The following TNS3 variants were observed in gnomAD, a reference collection of about 807,000 sequenced individuals.
TNS3 encodes the protein tensin 3.
A neutral mutation model predicts 140.9 loss-of-function variants in TNS3; 45 were observed. The ratio of observed to expected loss-of-function variants is 0.32; its 90% confidence interval spans 0.25 to 0.41. The LOEUF (loss-of-function observed/expected upper bound fraction) is 0.41, where lower values mean the gene tolerates loss of function less well. Among genes scored for constraint, TNS3 ranks in the 10% least tolerant of loss-of-function variants. The pLI, the probability that TNS3 is intolerant of heterozygous loss-of-function variation, is 1.00. For synonymous variants in TNS3, 815 were observed against 788.4 expected (o/e 1.03, Z -0.56); for missense variants, 1,716 against 1,906.7 (o/e 0.90, Z 1.86).
At chr7:47,289,063 A>T (rs1213702662) in intron 27 of TNS3, among the ~76,000 whole-genome samples, 1 of 152,226 alleles carries the variant, frequency 6.6e-6, no homozygotes, top group Non-Finnish European at 1.5e-5. Context: ...TAACTTAAAC[A>T]CTACAAAATT....
At chr7:47,527,993 G>A (rs1416770542) in intron 2 of TNS3, among the ~76,000 whole-genome samples, 1 of 152,086 alleles carries the variant, frequency 6.6e-6, no homozygotes, top group African/African-American at 2.4e-5. Context: ...TGCCTTGGAT[G>A]CAGATCTAGA....
At chr7:47,419,174 C>T (rs1794241658) in intron 10 of TNS3, among the ~76,000 whole-genome samples, 3 of 152,256 alleles carry the variant, frequency 2.0e-5, no homozygotes, top group Admixed American at 1.3e-4. Flanking sequence ...GAGTAGACCA[C>T]AACACATCTG....
At chr7:47,329,771 C>T (rs1396291635) in intron 20 of TNS3, among the ~76,000 whole-genome samples, 1 of 152,116 alleles carries the variant, frequency 6.6e-6, no homozygotes, top group Non-Finnish European at 1.5e-5. Flanking sequence ...ATGGGGCAGC[C>T]AGGCCCAGGA....
intron 1 of TNS3, among the ~76,000 whole-genome samples, chr7:47,544,502 A>G (rs1221018514): frequency 1.3e-5 from 2 of 151,992 alleles, no homozygotes; most frequent in Non-Finnish European, 2.9e-5. Flanking sequence ...TAAGAAAGGG[A>G]CCCCACAAGA....
chr7:47,334,384 T>C (rs1230556785), intron 20 of TNS3, among the ~76,000 whole-genome samples: 3 of 152,172 alleles, frequency 2.0e-5, no homozygotes, highest in African/African-American at 7.2e-5. Context: ...TCTTTTTCAC[T>C]GAAGCCTAAA....
chr7:47,427,338 C>G (rs534060867), intron 9 of TNS3, among the ~76,000 whole-genome samples: 1 of 152,228 alleles, frequency 6.6e-6, no homozygotes, highest in South Asian at 2.1e-4. Flanking sequence ...CCCTGGCAGG[C>G]ACCAACTCCT....
At chr7:47,280,564 G>C (rs550421004) in intron 28 of TNS3, among the ~76,000 whole-genome samples, 2 of 152,316 alleles carry the variant, frequency 1.3e-5, no homozygotes, top group East Asian at 3.9e-4. Flanking sequence ...ACCAGTAGAC[G>C]GAAGCACCAC....
At chr7:47,372,285 T>C (rs1791118639) in intron 16 of TNS3, among the ~76,000 whole-genome samples, 1 of 152,140 alleles carries the variant, frequency 6.6e-6, no homozygotes, top group Non-Finnish European at 1.5e-5. Flanking sequence ...CGGTCACAGA[T>C]TTCACGCTGC....
intron 1 of TNS3, among the ~76,000 whole-genome samples, chr7:47,529,624 A>G (rs1052955617): frequency 6.6e-6 from 1 of 152,256 alleles, no homozygotes; most frequent in Admixed American, 6.5e-5. Context: ...CAGAATCACC[A>G]TTAAGCTCTT....
intron 16 of TNS3, among the ~76,000 whole-genome samples, chr7:47,378,387 TA>T (rs1044187559): frequency 2.0e-5 from 3 of 152,142 alleles, no homozygotes; most frequent in Admixed American, 6.5e-5. Context: ...AAGATGGGTT[TA>T]AAAAAACGTA....
In TNS3 at chr7:47,407,197, T is replaced by G. The variant is rs947911669; in HGVS notation, c.723+4530A>C. 6.6e-6 allele frequency among the ~76,000 whole-genome samples: 1 copy of G among 152,028 alleles called. No individual in the cohort carries two copies. The highest frequency in any genetic ancestry group is 6.6e-5 in the Admixed American group (1 of 15,254). On this transcript the variant is annotated intron_variant, in intron 13 of 30. Transcript: ENST00000311160. The surrounding 1 kb of genome is among the most constrained non-coding windows in gnomAD (Gnocchi z 4.1). ...GATGCACTCCCGACTCTGATGGGAG[T>G]GCTGGCAGTGACACCCTGGGTTTCT...
chr7:47,473,151 A>C (rs1166440389), intron 4 of TNS3, among the ~76,000 whole-genome samples: 2 of 152,160 alleles, frequency 1.3e-5, no homozygotes, highest in Non-Finnish European at 2.9e-5. Flanking sequence ...CCACTCTGTG[A>C]TGACTGAGTG....
chr7:47,493,971 C>G (rs1797910370), intron 3 of TNS3, among the ~76,000 whole-genome samples: 1 of 152,198 alleles, frequency 6.6e-6, no homozygotes, highest in African/African-American at 2.4e-5. Context: ...TTCATGAAAC[C>G]CAAACTAGTT....
chr7:47,341,857 G>A (rs1036760514), intron 20 of TNS3, among the ~76,000 whole-genome samples: 4 of 151,750 alleles, frequency 2.6e-5, no homozygotes, highest in African/African-American at 7.3e-5. Context: ...CTCTCAGTGC[G>A]GCTGTATTAA....
chr7:47,403,745 C>G (rs943719237), intron 13 of TNS3, among the ~76,000 whole-genome samples: 2 of 152,176 alleles, frequency 1.3e-5, no homozygotes, highest in Admixed American at 1.3e-4. Context: ...CACAGCAGGT[C>G]AGATCTTGAG....
At chr7:47,396,483 GGAA>G in intron 16 of TNS3, 1 of 324,262 alleles carries the variant, frequency 3.1e-6, no homozygotes, top group Non-Finnish European at 5.7e-6. Flanking sequence ...CGGAAGGGAC[GGAA>G]GAAGGGGGAA....
chr7:47,495,183 T>A (rs1584770063), intron 3 of TNS3, among the ~76,000 whole-genome samples: 1 of 84,240 alleles, frequency 1.2e-5, no homozygotes. Context: ...AGAGCCAGAC[T>A]CCGTCTCAAA....
chr7:47,518,775 C>A (rs938840628), intron 2 of TNS3, among the ~76,000 whole-genome samples: 2 of 152,258 alleles, frequency 1.3e-5, no homozygotes, highest in African/African-American at 4.8e-5. Flanking sequence ...CTGATCCTCA[C>A]ACAACCCCTT....
chr7:47,568,878 G>A (rs562074092), intron 1 of TNS3, among the ~76,000 whole-genome samples: 1 of 152,258 alleles, frequency 6.6e-6, no homozygotes, highest in Admixed American at 6.5e-5. Flanking sequence ...AGGAAGGACA[G>A]ATGGATCTGC....
Sources: gnomAD v4.1 joint callset for allele counts (sites outside exome capture counted in the v4.1 genomes callset) on GRCh38, gnomAD v4.1.1 for gene constraint, Gnocchi (gnomAD v3.1) non-coding constraint, MANE v1.5 for transcripts, NCBI Gene and HGNC (gene_info 2026-07-23, HGNC 2026-07-21) for gene names.